The following TLN2 variants were observed in gnomAD, a reference collection of about 807,000 sequenced individuals.
TLN2 encodes the protein talin-2.
A neutral mutation model predicts 294.7 loss-of-function variants in TLN2; 118 were observed. The ratio of observed to expected loss-of-function variants is 0.40; its 90% CI spans 0.34 to 0.47. The LOEUF (loss-of-function observed/expected upper bound fraction) is 0.47. Ranked by LOEUF, TLN2 falls within the 20% of genes least tolerant of loss-of-function variation. The pLI is 0.84. For missense variants in TLN2, 3,083 were observed against 3,282.2 expected (o/e 0.94, Z 1.48); for synonymous variants, 1,431 against 1,304.5 (o/e 1.10, Z -2.09).
chr15:62,449,109 C>T (rs940111850), intron 1 of TLN2, among the ~76,000 whole-genome samples: 7 of 152,094 alleles, frequency 4.6e-5, no homozygotes, highest in South Asian at 2.1e-4. Context: ...GGAGACATAA[C>T]GTGTCAGAGA....
intron 1 of TLN2, among the ~76,000 whole-genome samples, chr15:62,563,573 T>G (rs186698058): frequency 1.1e-4 from 17 of 152,342 alleles, no homozygotes; most frequent in Non-Finnish European, 1.8e-4. Context: ...CCTTTTGCCC[T>G]GCAAAAGCTC....
intron 1 of TLN2, among the ~76,000 whole-genome samples, chr15:62,586,499 C>G (rs1422676022): frequency 6.6e-6 from 1 of 152,182 alleles, no homozygotes; most frequent in Non-Finnish European, 1.5e-5. Context: ...TATGAAGATA[C>G]ATGTATTACA....
At chr15:62,606,480 A>T (rs1017217401) in intron 2 of TLN2, among the ~76,000 whole-genome samples, 8 of 152,180 alleles carry the variant, frequency 5.3e-5, no homozygotes, top group African/African-American at 1.9e-4. Flanking sequence ...TTTAGCGATG[A>T]TAGAATCCAG....
intron 3 of TLN2, among the ~76,000 whole-genome samples, chr15:62,644,162 C>T (rs1356295924): frequency 6.7e-6 from 1 of 150,082 alleles, no homozygotes; most frequent in East Asian, 2.0e-4. Flanking sequence ...CCACCCACCG[C>T]CCCGCCCCCA....
chr15:62,607,234 C>T (rs115199264), intron 2 of TLN2, among the ~76,000 whole-genome samples: 1,833 of 152,264 alleles, frequency 0.012, 36 homozygotes, highest in African/African-American at 0.042. Flanking sequence ...GCTTAATAGG[C>T]ATCAGAGCAG....
intron 30 of TLN2, 88 bp downstream of exon 30, chr15:62,738,421 T>A: frequency 2.1e-6 from 3 of 1,447,098 alleles, no homozygotes; most frequent in Non-Finnish European, 2.8e-6. Flanking sequence ...ATGAGATCTC[T>A]GAGCAGCTAA....
intron 45 of TLN2, among the ~76,000 whole-genome samples, chr15:62,786,865 G>T (rs140302528): frequency 7.9e-5 from 12 of 152,210 alleles, no homozygotes; most frequent in African/African-American, 2.6e-4. Flanking sequence ...GGCAAAAACC[G>T]CAATTACTTT....
intron 1 of TLN2, among the ~76,000 whole-genome samples, chr15:62,488,005 G>A (rs563989061): frequency 1.6e-4 from 25 of 152,214 alleles, no homozygotes; most frequent in Admixed American, 1.5e-3. Context: ...TTGAGCCCAG[G>A]AGAGAGAGGC....
intron 2 of TLN2, among the ~76,000 whole-genome samples, chr15:62,612,443 A>G (rs543586542): frequency 1.3e-5 from 2 of 152,314 alleles, no homozygotes; most frequent in East Asian, 3.9e-4. Context: ...AGGTGGCTGC[A>G]AATTTGCCCT....
At chr15:62,697,297 C>T (rs1323848276) in intron 14 of TLN2, among the ~76,000 whole-genome samples, 3 of 152,080 alleles carry the variant, frequency 2.0e-5, no homozygotes, top group African/African-American at 4.8e-5. Context: ...TTTGTAGAGA[C>T]GAGGTCTCAT....
chr15:62,586,395 A>G (rs1450035637), intron 1 of TLN2, among the ~76,000 whole-genome samples: 2 of 152,242 alleles, frequency 1.3e-5, no homozygotes, highest in Non-Finnish European at 2.9e-5. Flanking sequence ...AAGGGGGTTA[A>G]TTAGATTTGT....
chr15:62,697,934 A>G, intron 15 of TLN2, 66 bp downstream of exon 15: 1 of 1,553,124 alleles, frequency 6.4e-7, no homozygotes, highest in Non-Finnish European at 8.7e-7. Context: ...GGTGGACACC[A>G]GCGGCGGTGA....
At chr15:62,746,618 A>G (rs1447766795) in intron 32 of TLN2, among the ~76,000 whole-genome samples, 1 of 152,198 alleles carries the variant, frequency 6.6e-6, no homozygotes, top group Non-Finnish European at 1.5e-5. Context: ...GTCTAATTTG[A>G]TATTCTGTGG....
chr15:62,666,338 T>C (rs920408847), intron 9 of TLN2, among the ~76,000 whole-genome samples: 19 of 152,122 alleles, frequency 1.2e-4, no homozygotes, highest in African/African-American at 4.6e-4. Context: ...CCCTCATGAC[T>C]GGGATTAAGG....
At chr15:62,816,608 C>G (rs2067138168) in intron 52 of TLN2, among the ~76,000 whole-genome samples, 1 of 152,192 alleles carries the variant, frequency 6.6e-6, no homozygotes, top group Non-Finnish European at 1.5e-5. Context: ...TTTCATCATT[C>G]CACTCTGTGG....
chr15:62,747,133 C>G (rs750249071), intron 32 of TLN2, among the ~76,000 whole-genome samples: 1 of 152,142 alleles, frequency 6.6e-6, no homozygotes, highest in African/African-American at 2.4e-5. Context: ...AAGTTAACTA[C>G]GAATGGCCAT....
At chr15:62,664,287 G>A (rs957492234) in intron 9 of TLN2, among the ~76,000 whole-genome samples, 4 of 151,864 alleles carry the variant, frequency 2.6e-5, no homozygotes, top group African/African-American at 7.3e-5. Context: ...TCAAAGAGAA[G>A]GAAATGTAGT....
chr15:62,738,082 G>A, intron 29 of TLN2, 132 bp from the exon 30 acceptor site: 1 of 979,090 alleles, frequency 1.0e-6, no homozygotes, highest in Admixed American at 2.1e-5. Context: ...TGTAAGACAG[G>A]TAAGAGTGGC....
intron 1 of TLN2, among the ~76,000 whole-genome samples, chr15:62,589,384 G>A (rs1402719747): frequency 6.6e-6 from 1 of 152,162 alleles, no homozygotes; most frequent in Non-Finnish European, 1.5e-5. Flanking sequence ...GAGGGAGGTG[G>A]ATGTCTGTAT....
Sources: gnomAD v4.1 joint callset for allele counts (sites outside exome capture counted in the v4.1 genomes callset) on GRCh38, gnomAD v4.1.1 for gene constraint, MANE v1.5 for transcripts, NCBI Gene and HGNC (gene_info 2026-07-23, HGNC 2026-07-21) for gene names.